AFDN: variants seen among roughly 807,000 people sequenced by gnomAD.
AFDN encodes the protein afadin.
Under a neutral mutation model 216.6 loss-of-function variants are expected in AFDN, and 68 were observed. That is an observed-to-expected ratio of 0.31 (90% CI 0.26 to 0.38). AFDN has a LOEUF of 0.38. AFDN is among the 10% of genes least tolerant of loss of function. The pLI is 1.00. For synonymous variants in AFDN, 868 were observed against 853.7 expected, an observed-to-expected ratio of 1.02 and a Z score of -0.29; for missense variants, 2,136 against 2,342.0, an observed-to-expected ratio of 0.91 and a Z score of 1.82.
intron 2 of AFDN, among the ~76,000 whole-genome samples, chr6:167,869,483 G>T (rs960298953): frequency 6.6e-6 from 1 of 152,214 alleles, no homozygotes; most frequent in Non-Finnish European, 1.5e-5. Context: ...GGTTTGAGCA[G>T]AGTGAATGGA....
chr6:167,897,913 G>A (rs1788484666), intron 10 of AFDN, among the ~76,000 whole-genome samples: 1 of 151,944 alleles, frequency 6.6e-6, no homozygotes, highest in Non-Finnish European at 1.5e-5. Context: ...CAAAGTGCTG[G>A]GATTACAGGC....
At position 167,962,434 on chromosome 6, in the gene AFDN, TGCAGGACGAGGAGCGGAGGCG is replaced by T; in HGVS notation, c.4840_4860del (p.Asp1614_Gln1620del). Reference sequence around the variant, plus strand: ...AGATTAATGTCAGCCTGTTGTTAGTTGCAGGACGAGGAGCGGAGGCGGCAGCAGCAGTTAGAAGAGATGCGC... The same window carrying T: ...AGATTAATGTCAGCCTGTTGTTAGTTGCAGCAGCAGTTAGAAGAGATGCGC... On this transcript the variant is annotated inframe_deletion and splice_region_variant, in exon 31 of 34. Coordinates refer to ENST00000683244, the MANE Select transcript of AFDN (RefSeq NM_001386888.1). The surrounding 1 kb of genome is among the most constrained non-coding windows in gnomAD (Gnocchi z 5.2). 6.2e-7 allele frequency: 1 copy of T among 1,613,548 alleles called. No individual in the cohort carries two copies.
intron 23 of AFDN, among the ~76,000 whole-genome samples, chr6:167,925,317 G>A (rs144589763): frequency 6.6e-6 from 1 of 152,328 alleles, no homozygotes; most frequent in African/African-American, 2.4e-5. Flanking sequence ...TAGCTAGAGT[G>A]ATACTTTGAG....
At chr6:167,960,044 G>C (rs1262089333) in intron 30 of AFDN, among the ~76,000 whole-genome samples, 1 of 152,186 alleles carries the variant, frequency 6.6e-6, no homozygotes, top group Admixed American at 6.5e-5. Context: ...TCCTTTAAGT[G>C]TTACTGAATG....
At chr6:167,963,998 G>C in intron 31 of AFDN, 1 of 1,064,626 alleles carries the variant, frequency 9.4e-7, no homozygotes, top group Non-Finnish European at 1.1e-6. Flanking sequence ...GGCCACGCCG[G>C]AGCCTCGGCG....
rs192632733 is a variant in AFDN, at chr6:167,926,568, A to C, written c.3099+1477A>C. Among the ~76,000 whole-genome samples the C allele has an allele frequency of 2.0e-5, 3 of 152,332 alleles. No individual in the cohort carries two copies. The East Asian group carries it at 5.8e-4, about 29-fold the overall frequency. On this transcript the variant is annotated intron_variant, in intron 23 of 33. Transcript: ENST00000683244. The stretch of plus-strand genomic sequence containing the variant: ...GGCCTCAGCCTCCCAAGTAGCTAGG[A>C]CTACAGGAGCATACCACCATGCCTG...
rs944057124 is a variant in AFDN, at chr6:167,970,435, A to G, written c.*500A>G. On this transcript the variant is annotated 3_prime_UTR_variant, in exon 34 of 34. Coordinates refer to ENST00000683244, the MANE Select transcript of AFDN (RefSeq NM_001386888.1). Reference sequence around the variant, plus strand: ...CGCTCTTCTACCCGGGAAGGAACATATGACGACATGCTCCTCCCATGTCCC... The same window carrying G: ...CGCTCTTCTACCCGGGAAGGAACATGTGACGACATGCTCCTCCCATGTCCC... The G allele has an allele frequency of 1.4e-5, 3 of 219,890 alleles. No homozygotes were observed. Among genetic ancestry groups the G allele is most frequent in the East Asian group, 1.3e-4 (2 of 14,868 alleles). The allele number at this position is 219,890 out of a possible 1,614,324, so 13.6% of individuals were successfully genotyped here. A position where few individuals can be genotyped will look rare whatever the true frequency, so the allele number is the denominator to read the frequency against.
At position 167,970,669 on chromosome 6, in the gene AFDN, A is replaced by G. The variant is rs1797964729; in HGVS notation, c.*734A>G. 2 of 209,086 alleles carry G rather than the reference A, an allele frequency of 9.6e-6. No individual in the cohort carries two copies. Among genetic ancestry groups the G allele is most frequent in the African/African-American group, 4.6e-5 (2 of 43,956 alleles). The allele number at this position is 209,086 out of a possible 1,614,324, so 13.0% of individuals were successfully genotyped here. ...AGCTTAGGGGATTTTATTTTTATAA[A>G]TACCAGATTATTGTTAGACTTAATA... is the stretch of plus-strand genomic sequence containing the variant. On this transcript the variant is annotated 3_prime_UTR_variant, in exon 34 of 34. Transcript: ENST00000683244.
chr6:167,838,135 T>C (rs1035488501), intron 1 of AFDN, among the ~76,000 whole-genome samples: 13 of 152,238 alleles, frequency 8.5e-5, no homozygotes, highest in South Asian at 4.1e-4. Flanking sequence ...TTGTATCTTA[T>C]ATAGCATCCA....
Position 167,951,767 on chromosome 6 carries a change from C to T in AFDN, c.4413C>T (p.Pro1471=), listed in dbSNP as rs199757028. 703 of 1,614,112 alleles carry T rather than the reference C, an allele frequency of 4.4e-4. 9 individuals are homozygous for T. In the South Asian group the frequency reaches 7.4e-3, roughly 17 times the overall value. ...FSPLTAQQMK[P]EKPSTLQRPQ... ...CCCTGACTGCACAGCAGATGAAGCCCGAAAAGCCTTCCACACTCCAGCGGC... is the reference window on the plus strand; with the variant it reads ...CCCTGACTGCACAGCAGATGAAGCCTGAAAAGCCTTCCACACTCCAGCGGC... Residue 1471 remains proline (P), a synonymous_variant, in exon 30 of 34, where the codon CCC becomes CCT. Coordinates refer to ENST00000683244, the MANE Select transcript of AFDN (RefSeq NM_001386888.1). This position sits in a 1 kb window ranked among gnomAD's most constrained non-coding sequence, Gnocchi z 7.1.
intron 12 of AFDN, among the ~76,000 whole-genome samples, chr6:167,904,024 C>G (rs565658458): frequency 6.6e-6 from 1 of 152,184 alleles, no homozygotes; most frequent in Non-Finnish European, 1.5e-5. Flanking sequence ...GGTACCTCTT[C>G]CTCTTATGCT....
chr6:167,943,561 TA>T, intron 25 of AFDN, 86 bp downstream of exon 25: 1 of 1,104,654 alleles, frequency 9.1e-7, no homozygotes, highest in Non-Finnish European at 1.4e-6. Context: ...AGATAAAAAC[TA>T]TGCTAAAACG....
intron 23 of AFDN, among the ~76,000 whole-genome samples, chr6:167,929,223 A>G (rs1792955516): frequency 1.3e-5 from 2 of 149,916 alleles, no homozygotes; most frequent in South Asian, 4.3e-4. Context: ...TTCACTTTTA[A>G]ACTTTAAATC....
At chr6:167,891,820 C>T (rs1047847845) in intron 8 of AFDN, among the ~76,000 whole-genome samples, 11 of 152,062 alleles carry the variant, frequency 7.2e-5, no homozygotes, top group Non-Finnish European at 1.3e-4. Flanking sequence ...CTGCATTATA[C>T]AATACTGTGA....
Position 167,907,264 on chromosome 6 carries a change from CCAGATTATCG to C in AFDN, c.1748_1757del (p.Asp583GlyfsTer14), listed in dbSNP as rs1418708326. The C allele has an allele frequency of 6.2e-7, 1 of 1,613,878 alleles. No individual in the cohort carries two copies. Among genetic ancestry groups the C allele is most frequent in the South Asian group, 1.1e-5 (1 of 91,086 alleles). ...GCCGATGATCAGAGTAGAACAGCAG[CCAGATTATCG>C]CAGGCAAGAAAGCAGGTAGGAAACA... On this transcript the variant is annotated frameshift_variant, in exon 13 of 34. Coordinates refer to ENST00000683244, the MANE Select transcript of AFDN (RefSeq NM_001386888.1). LOFTEE classifies it high-confidence loss of function.
chr6:167,896,430 C>G (rs1788257497), intron 9 of AFDN, among the ~76,000 whole-genome samples: 1 of 152,142 alleles, frequency 6.6e-6, no homozygotes, highest in Non-Finnish European at 1.5e-5. Context: ...ATTTAAAAAC[C>G]TCCGTCAGTG....
At chr6:167,907,090 G>T in intron 12 of AFDN, 81 bp from the exon 13 acceptor site, 1 of 1,023,072 alleles carries the variant, frequency 9.8e-7, no homozygotes, top group Non-Finnish European at 1.5e-6. Context: ...CCCTGTATCA[G>T]ATCTCTGCTT....
At position 167,893,859 on chromosome 6, in the gene AFDN, C is replaced by A; in HGVS notation, c.1178-3C>A. ...TGGGTCCTGGCATGTGTCTTAACCC[C>A]AGGGAGAAGGAATCACTTTGCCTAC... On this transcript the variant is annotated splice_region_variant and splice_polypyrimidine_tract_variant and intron_variant, in intron 8 of 33. Transcript: ENST00000683244. 6.3e-7 allele frequency: 1 copy of A among 1,585,506 alleles called. No homozygotes were observed. Among genetic ancestry groups the A allele is most frequent in the South Asian group, 1.2e-5 (1 of 86,626 alleles).
Position 167,827,248 on chromosome 6 carries a change from C to T in AFDN, c.105+11C>T. 1.8e-6 allele frequency: 2 copies of T among 1,128,276 alleles called. No homozygotes were observed. Among genetic ancestry groups the T allele is most frequent in the Non-Finnish European group, 2.2e-6 (2 of 895,534 alleles). The allele number at this position is 1,128,276 out of a possible 1,614,324, so 69.9% of individuals were successfully genotyped here. ...AGCCAGCCGACCGAGGTGAGCACCG[C>T]CGGGCGCGGGGCCTGCGCGACCCCC... On this transcript the variant is annotated intron_variant, in intron 1 of 33. Coordinates refer to ENST00000683244, the MANE Select transcript of AFDN (RefSeq NM_001386888.1).
Sources: gnomAD v4.1 joint callset for allele counts (sites outside exome capture counted in the v4.1 genomes callset) on GRCh38, gnomAD v4.1.1 for gene constraint, Gnocchi (gnomAD v3.1) non-coding constraint, MANE v1.5 for transcripts, NCBI Gene and HGNC (gene_info 2026-07-23, HGNC 2026-07-21) for gene names.